Variants in GPR158 observed in about 807,000 individuals in gnomAD.
The protein encoded by GPR158 is G protein-coupled receptor 158.
A neutral mutation model predicts 78.2 loss-of-function variants in GPR158; 30 were observed. That is an observed-to-expected ratio of 0.38 (90% confidence interval 0.29 to 0.52). GPR158 has a LOEUF of 0.52. Among genes scored for constraint, GPR158 ranks in the 20% least tolerant of loss-of-function variants. The pLI, the probability that GPR158 is intolerant of heterozygous loss-of-function variation, is 0.83. For synonymous variants in GPR158, 581 were observed against 591.1 expected, an observed-to-expected ratio of 0.98 and a Z score of 0.25; for missense variants, 1,463 against 1,523.5, an observed-to-expected ratio of 0.96 and a Z score of 0.66.
At chr10:25,477,106 C>G (rs1453190066) in intron 5 of GPR158, among the ~76,000 whole-genome samples, 1 of 151,872 alleles carries the variant, frequency 6.6e-6, no homozygotes, top group Non-Finnish European at 1.5e-5. Context: ...AAACTTAAGA[C>G]TTTTTTTTAA....
Position 25,176,288 on chromosome 10 carries a change from T to A in GPR158, c.868T>A (p.Tyr290Asn). The A allele has an allele frequency of 6.2e-7, 1 of 1,606,694 alleles. No homozygotes were observed. The highest frequency in any genetic ancestry group is 8.5e-7 in the Non-Finnish European group (1 of 1,176,774). The change falls in exon 1 of 11, where the codon TAC (tyrosine) becomes AAC (asparagine). Residue 290 changes from tyrosine (Y) to asparagine (N), a missense_variant. Physicochemically the swap from Tyr to Asn is moderately radical, Grantham distance 143 (BLOSUM62 -2). Coordinates refer to ENST00000376351, the MANE Select transcript of GPR158 (RefSeq NM_020752.3). The surrounding 1 kb of genome is among the most constrained non-coding windows in gnomAD (Gnocchi z 6.3). ...GCTGGTTACTCTTTCCTCTGCCATC[T>A]ACGGGTTGCAGCCTAACCTGGTCCC... is the stretch of plus-strand genomic sequence containing the variant. The part of the protein sequence containing the change: ...GWLVTLSSAI[Y>N]GLQPNLVPEF...
chr10:25,351,686 G>A (rs1440900834), intron 2 of GPR158, among the ~76,000 whole-genome samples: 1 of 149,944 alleles, frequency 6.7e-6, no homozygotes, highest in Non-Finnish European at 1.5e-5. Context: ...TACAAGTGCT[G>A]CCATAGCAAT....
At chr10:25,246,677 A>G (rs895796998) in intron 2 of GPR158, among the ~76,000 whole-genome samples, 1 of 152,200 alleles carries the variant, frequency 6.6e-6, no homozygotes, top group African/African-American at 2.4e-5. Flanking sequence ...GCAATGAATG[A>G]TCAGTAAAGA....
chr10:25,343,824 A>G (rs1350345213), intron 2 of GPR158, among the ~76,000 whole-genome samples: 1 of 152,018 alleles, frequency 6.6e-6, no homozygotes, highest in Non-Finnish European at 1.5e-5. Context: ...CACACTGTAT[A>G]CTTTGGATCA....
intron 5 of GPR158, among the ~76,000 whole-genome samples, chr10:25,477,974 G>A (rs1398024365): frequency 6.6e-6 from 1 of 152,140 alleles, no homozygotes; most frequent in Admixed American, 6.5e-5. Context: ...CAGAAGTTCT[G>A]TGTAGTTCCA....
intron 5 of GPR158, among the ~76,000 whole-genome samples, chr10:25,488,253 G>A (rs1362845847): frequency 2.0e-5 from 3 of 152,072 alleles, no homozygotes; most frequent in African/African-American, 7.2e-5. Context: ...ACACTTCTCT[G>A]CCATTTAACC....
At chr10:25,541,147 T>G (rs1160611117) in intron 5 of GPR158, among the ~76,000 whole-genome samples, 1 of 151,800 alleles carries the variant, frequency 6.6e-6, no homozygotes, top group Non-Finnish European at 1.5e-5. Flanking sequence ...ATTGCCAGAC[T>G]TAATTTTACC....
intron 6 of GPR158, among the ~76,000 whole-genome samples, chr10:25,568,781 A>G (rs1168575146): frequency 1.3e-5 from 2 of 152,184 alleles, no homozygotes; most frequent in African/African-American, 2.4e-5. Context: ...ATGCCTTTTC[A>G]TATGAAATTT....
chr10:25,484,499 AG>A (rs1458129784), intron 5 of GPR158, among the ~76,000 whole-genome samples: 2 of 152,210 alleles, frequency 1.3e-5, no homozygotes, highest in African/African-American at 4.8e-5. Flanking sequence ...CAGTAGACTA[AG>A]AACATCATCA....
chr10:25,264,314 C>T (rs1854011773), intron 2 of GPR158, among the ~76,000 whole-genome samples: 1 of 152,086 alleles, frequency 6.6e-6, no homozygotes, highest in Non-Finnish European at 1.5e-5. Context: ...TTGGGGAAGC[C>T]AGTTGCCATA....
chr10:25,563,978 T>C (rs1290453152), intron 6 of GPR158, among the ~76,000 whole-genome samples: 1 of 152,112 alleles, frequency 6.6e-6, no homozygotes, highest in Admixed American at 6.6e-5. Context: ...AGGCTGAACA[T>C]TTTGAATATT....
At chr10:25,521,451 G>C (rs1332940888) in intron 5 of GPR158, among the ~76,000 whole-genome samples, 1 of 152,078 alleles carries the variant, frequency 6.6e-6, no homozygotes, top group Non-Finnish European at 1.5e-5. Flanking sequence ...TCATATTATT[G>C]ATTTAAGTTT....
At chr10:25,551,443 T>C (rs995340170) in intron 6 of GPR158, among the ~76,000 whole-genome samples, 1 of 152,162 alleles carries the variant, frequency 6.6e-6, no homozygotes, top group Non-Finnish European at 1.5e-5. Flanking sequence ...TAGAATCCCA[T>C]ACAGAAACAC....
intron 2 of GPR158, among the ~76,000 whole-genome samples, chr10:25,385,717 T>G (rs1834213345): frequency 6.6e-6 from 1 of 152,144 alleles, no homozygotes; most frequent in South Asian, 2.1e-4. Flanking sequence ...CTCTAAGTAT[T>G]TAGTGATGTT....
At chr10:25,551,221 C>G (rs1024077170) in intron 6 of GPR158, 136 bp downstream of exon 6, 12 of 609,772 alleles carry the variant, frequency 2.0e-5, no homozygotes, top group Middle Eastern at 3.4e-4. Context: ...ATATTTTTCA[C>G]TTTCAAGGTG....
intron 1 of GPR158, among the ~76,000 whole-genome samples, chr10:25,202,130 C>A (rs1004144721): frequency 6.6e-6 from 1 of 151,990 alleles, no homozygotes. Context: ...GTTTGGTAGG[C>A]TTTTTATACT....
intron 2 of GPR158, among the ~76,000 whole-genome samples, chr10:25,310,928 T>A (rs1385691174): frequency 1.3e-5 from 2 of 152,012 alleles, no homozygotes; most frequent in Non-Finnish European, 2.9e-5. Context: ...TCCTCAAATA[T>A]CTATCCAGGA....
intron 5 of GPR158, among the ~76,000 whole-genome samples, chr10:25,503,752 G>C (rs1835973647): frequency 6.7e-6 from 1 of 149,592 alleles, no homozygotes; most frequent in Non-Finnish European, 1.5e-5. Flanking sequence ...AAGCCTTCTG[G>C]TCTACCCACA....
chr10:25,325,986 A>G (rs1855025197), intron 2 of GPR158, among the ~76,000 whole-genome samples: 1 of 151,828 alleles, frequency 6.6e-6, no homozygotes, highest in Admixed American at 6.6e-5. Flanking sequence ...GAACACGTGC[A>G]GGATGTACAC....
Sources: gnomAD v4.1 joint callset for allele counts (sites outside exome capture counted in the v4.1 genomes callset) on GRCh38, gnomAD v4.1.1 for gene constraint, Gnocchi (gnomAD v3.1) non-coding constraint, MANE v1.5 for transcripts, NCBI Gene and HGNC (gene_info 2026-07-23, HGNC 2026-07-21) for gene names.